Variants in LRRC28 observed in about 807,000 individuals in gnomAD.
LRRC28 encodes leucine-rich repeat-containing protein 28.
LRRC28 carries 39 observed loss-of-function variants against 45.7 expected under a neutral mutation model. That is an observed-to-expected ratio of 0.85 (90% CI 0.66 to 1.12). LRRC28 has a LOEUF of 1.12. LRRC28 is among the 50% of genes most tolerant of loss of function. LRRC28 has a pLI of 0.00. For synonymous variants in LRRC28, 206 were observed against 178.8 expected (o/e 1.15, Z -1.22); for missense variants, 435 against 438.5 (o/e 0.99, Z 0.07).
intron 9 of LRRC28, among the ~76,000 whole-genome samples, chr15:99,378,846 T>C (rs1957725855): frequency 6.6e-6 from 1 of 152,226 alleles, no homozygotes; most frequent in Non-Finnish European, 1.5e-5. Flanking sequence ...TTACATTTAT[T>C]GATTTGCATA....
At chr15:99,264,963 C>T (rs2081294351) in intron 2 of LRRC28, among the ~76,000 whole-genome samples, 1 of 152,162 alleles carries the variant, frequency 6.6e-6, no homozygotes, top group Non-Finnish European at 1.5e-5. Flanking sequence ...GGTGGAAAGA[C>T]AGATGTGCAC....
chr15:99,319,799 T>G (rs1376385180), intron 5 of LRRC28, among the ~76,000 whole-genome samples: 1 of 151,714 alleles, frequency 6.6e-6, no homozygotes, highest in Non-Finnish European at 1.5e-5. Flanking sequence ...TGGGAACATT[T>G]TATTTTATTT....
chr15:99,354,556 A>G (rs954095857), intron 7 of LRRC28, among the ~76,000 whole-genome samples: 9 of 152,184 alleles, frequency 5.9e-5, no homozygotes, highest in Non-Finnish European at 8.8e-5. Context: ...GATTCAGAAC[A>G]CGAATTTTGG....
chr15:99,318,252 C>A (rs1217888069), intron 5 of LRRC28, among the ~76,000 whole-genome samples: 1 of 151,866 alleles, frequency 6.6e-6, no homozygotes, highest in Non-Finnish European at 1.5e-5. Context: ...TTGCAGTGAA[C>A]CAGAATATCA....
At chr15:99,310,715 G>A (rs1335310260) in intron 5 of LRRC28, among the ~76,000 whole-genome samples, 1 of 151,970 alleles carries the variant, frequency 6.6e-6, no homozygotes, top group Non-Finnish European at 1.5e-5. Flanking sequence ...GAAAGGAGAG[G>A]GAGAACTGTT....
intron 6 of LRRC28, among the ~76,000 whole-genome samples, chr15:99,348,951 C>G (rs1295365557): frequency 6.6e-6 from 1 of 151,908 alleles, no homozygotes; most frequent in Non-Finnish European, 1.5e-5. Flanking sequence ...TTCATTTTCT[C>G]CCATCAGTTT....
chr15:99,346,583 A>AT (rs1297385395), intron 6 of LRRC28, among the ~76,000 whole-genome samples: 1 of 152,184 alleles, frequency 6.6e-6, no homozygotes, highest in Non-Finnish European at 1.5e-5. Context: ...CACTCCTGTG[A>AT]TTTTTTTCTA....
chr15:99,345,469 T>C (rs1012413228), intron 6 of LRRC28, among the ~76,000 whole-genome samples: 3 of 152,214 alleles, frequency 2.0e-5, no homozygotes, highest in Non-Finnish European at 4.4e-5. Flanking sequence ...TCATATATGT[T>C]CTTTGGAAAA....
At chr15:99,337,814 C>G (rs1019211128) in intron 6 of LRRC28, 17 of 152,332 alleles carry the variant, frequency 1.1e-4, no homozygotes, top group African/African-American at 3.4e-4. Context: ...GGCTTACAGC[C>G]CTGGCAGAAC....
intron 9 of LRRC28, among the ~76,000 whole-genome samples, chr15:99,373,466 A>G (rs1957540962): frequency 6.6e-6 from 1 of 152,184 alleles, no homozygotes; most frequent in African/African-American, 2.4e-5. Flanking sequence ...CAGGCATGCA[A>G]TGCATAATAA....
chr15:99,276,697 T>G (rs1389911080), intron 3 of LRRC28, 81 bp downstream of exon 3: 1 of 1,127,946 alleles, frequency 8.9e-7, no homozygotes, highest in Admixed American at 3.0e-5. Context: ...TATGTCATCT[T>G]AATGTATTAA....
chr15:99,340,074 CAG>C (rs933194356), intron 6 of LRRC28, among the ~76,000 whole-genome samples: 2 of 152,332 alleles, frequency 1.3e-5, no homozygotes, highest in East Asian at 3.9e-4. Context: ...CACGTGAGTG[CAG>C]AGAGTCATGT....
intron 5 of LRRC28, among the ~76,000 whole-genome samples, chr15:99,323,866 T>G (rs1955882509): frequency 6.6e-6 from 1 of 152,192 alleles, no homozygotes; most frequent in South Asian, 2.1e-4. Context: ...ATGATCTAAA[T>G]AGTTGAGTAA....
chr15:99,324,169 A>C (rs568586389), intron 5 of LRRC28, among the ~76,000 whole-genome samples: 1 of 152,274 alleles, frequency 6.6e-6, no homozygotes, highest in South Asian at 2.1e-4. Context: ...CTAAATGACT[A>C]AGTGACTAAT....
At chr15:99,292,741 G>A (rs1363985480) in intron 5 of LRRC28, among the ~76,000 whole-genome samples, 1 of 152,184 alleles carries the variant, frequency 6.6e-6, no homozygotes, top group Non-Finnish European at 1.5e-5. Flanking sequence ...AAGTTAGACT[G>A]ATTTTTCTTT....
chr15:99,337,947 G>A (rs1956380996), intron 6 of LRRC28: 1 of 152,252 alleles, frequency 6.6e-6, no homozygotes, highest in Admixed American at 6.5e-5. Context: ...GCTCTGCCCT[G>A]GTCTAAAACT....
chr15:99,284,525 G>T, intron 3 of LRRC28: 2 of 456,400 alleles, frequency 4.4e-6, no homozygotes, highest in Non-Finnish European at 8.8e-6. Context: ...TGCCACCACT[G>T]TGCTTGGCTG....
At chr15:99,259,277 G>T in intron 2 of LRRC28, 1 of 1,091,442 alleles carries the variant, frequency 9.2e-7, no homozygotes, top group South Asian at 1.2e-5. Flanking sequence ...TTCTCCATTT[G>T]TTTAGCGACT....
intron 6 of LRRC28, among the ~76,000 whole-genome samples, chr15:99,350,885 G>T (rs1030161537): frequency 2.0e-5 from 3 of 151,934 alleles, no homozygotes; most frequent in South Asian, 2.1e-4. Flanking sequence ...TTGCAGCCTC[G>T]ACCTCCCAGG....
Sources: gnomAD v4.1 joint callset for allele counts (sites outside exome capture counted in the v4.1 genomes callset) on GRCh38, gnomAD v4.1.1 for gene constraint, MANE v1.5 for transcripts, NCBI Gene and HGNC (gene_info 2026-07-23, HGNC 2026-07-21) for gene names.